Variants in BICC1 observed in about 807,000 individuals in gnomAD.
The protein encoded by BICC1 is BicC family RNA binding protein 1.
A neutral mutation model predicts 111.0 loss-of-function variants in BICC1; 43 were observed. The observed-to-expected ratio is 0.39, with a 90% confidence interval of 0.30 to 0.50. The LOEUF (loss-of-function observed/expected upper bound fraction) is 0.50. Among genes scored for constraint, BICC1 ranks in the 20% least tolerant of loss-of-function variants. The probability of loss-of-function intolerance (pLI) is 0.88; values close to 1 mark genes in which losing one functional copy is unlikely to be tolerated. For missense variants in BICC1, 1,091 were observed against 1,203.2 expected (o/e 0.91, Z 1.38); for synonymous variants, 467 against 434.4 (o/e 1.07, Z -0.93).
intron 3 of BICC1, among the ~76,000 whole-genome samples, chr10:58,783,607 T>TTGTGAAAGG: frequency 6.6e-6 from 1 of 151,114 alleles, no homozygotes. Flanking sequence ...TGGTGGTAAA[T>TTGTGAAAGG]TGTGAAAGGT....
At chr10:58,684,017 TA>T (rs762909906) in intron 2 of BICC1, among the ~76,000 whole-genome samples, 2 of 152,232 alleles carry the variant, frequency 1.3e-5, no homozygotes, top group African/African-American at 2.4e-5. Context: ...GGATTTGTCA[TA>T]AATAGCTTTT....
At position 58,740,830 on chromosome 10, in the gene BICC1, T is replaced by TC. The variant is rs1415484462; in HGVS notation, c.307+38687_307+38688insC. The stretch of plus-strand genomic sequence containing the variant: ...GATGGAGAAAGGGATGGGTGTGGGG[T>TC]GGCTTTGGCCGACCAAAGGCGTGAC... On this transcript the variant is annotated intron_variant, in intron 3 of 20. Coordinates refer to ENST00000373886, the MANE Select transcript of BICC1 (RefSeq NM_001080512.3). Among the ~76,000 whole-genome samples, 15 of 152,060 alleles carry TC rather than the reference T, an allele frequency of 9.9e-5. No homozygotes were observed. The South Asian group carries it at 2.9e-3, about 29-fold the overall frequency.
intron 3 of BICC1, among the ~76,000 whole-genome samples, chr10:58,715,337 G>A (rs1046248215): frequency 4.6e-5 from 7 of 152,122 alleles, no homozygotes; most frequent in South Asian, 2.1e-4. Context: ...CAGCATATGC[G>A]TGTTTTTGGC....
chr10:58,768,508 T>C (rs1351788394), intron 3 of BICC1, among the ~76,000 whole-genome samples: 2 of 152,152 alleles, frequency 1.3e-5, no homozygotes, highest in African/African-American at 4.8e-5. Context: ...CATGAAAATA[T>C]AGTATTTTTA....
At chr10:58,607,558 C>T (rs549522777) in intron 1 of BICC1, among the ~76,000 whole-genome samples, 1 of 151,922 alleles carries the variant, frequency 6.6e-6, no homozygotes, top group South Asian at 2.1e-4. Flanking sequence ...CCCCCTTCGC[C>T]TTCTCCTCCT....
chr10:58,534,692 G>T (rs1842781900), intron 1 of BICC1, among the ~76,000 whole-genome samples: 1 of 151,526 alleles, frequency 6.6e-6, no homozygotes, highest in Non-Finnish European at 1.5e-5. Context: ...ACAGGGTTCT[G>T]TAACACCTCC....
intron 1 of BICC1, among the ~76,000 whole-genome samples, chr10:58,522,459 G>T (rs931924543): frequency 2.0e-5 from 3 of 151,906 alleles, no homozygotes; most frequent in African/African-American, 7.3e-5. Context: ...ATGACTACTG[G>T]GTACATAATG....
At chr10:58,669,382 A>G (rs1241011409) in intron 2 of BICC1, among the ~76,000 whole-genome samples, 1 of 152,130 alleles carries the variant, frequency 6.6e-6, no homozygotes. Flanking sequence ...TATTTGGAGC[A>G]TCTGAATTTG....
Position 58,830,545 on chromosome 10 carries a change from C to T in BICC1, c.*1654C>T, listed in dbSNP as rs1844525418. 6.6e-6 allele frequency: 1 copy of T among 152,132 alleles called. No homozygotes were observed. Among genetic ancestry groups the T allele is most frequent in the Non-Finnish European group, 1.5e-5 (1 of 68,002 alleles). 9.4% of individuals were successfully genotyped at this position (152,132 alleles called of 1,614,324 possible). A position where few individuals can be genotyped will look rare whatever the true frequency, so the allele number is the denominator to read the frequency against. On this transcript the variant is annotated 3_prime_UTR_variant, in exon 21 of 21. Coordinates refer to ENST00000373886, the MANE Select transcript of BICC1 (RefSeq NM_001080512.3). ...AAGAAATACTTGCCTGACACTTTTC[C>T]ATGGCTGAGTCTGACCATTACAGTA...
intron 1 of BICC1, among the ~76,000 whole-genome samples, chr10:58,517,991 T>C (rs1214639436): frequency 5.8e-5 from 2 of 34,358 alleles, no homozygotes; most frequent in Non-Finnish European, 1.1e-4. Flanking sequence ...GCTATCTAAA[T>C]ATTATTATTG....
intron 18 of BICC1, 27 bp from the exon 19 acceptor site, chr10:58,817,535 C>T: frequency 1.9e-6 from 3 of 1,612,694 alleles, no homozygotes; most frequent in Non-Finnish European, 2.5e-6. Context: ...ATTTACACTT[C>T]AAGCCTGTCT....
chr10:58,817,712 A>G lies in BICC1; in HGVS notation c.2684A>G (p.Gln895Arg). 6.2e-7 allele frequency: 1 copy of G among 1,608,414 alleles called. No individual in the cohort carries two copies. Among genetic ancestry groups the G allele is most frequent in the Non-Finnish European group, 8.5e-7 (1 of 1,177,106 alleles). The change falls in exon 19 of 21, where the codon CAG becomes CGG. Residue 895 changes from glutamine (Q) to arginine (R), a missense_variant. Gln to Arg is a conservative substitution (Grantham distance 43). Coordinates refer to ENST00000373886, the MANE Select transcript of BICC1 (RefSeq NM_001080512.3). ...CTGGGCAAATACACAGATGTTTTCC[A>G]GCAACAAGAGGTCAGTCATTATTTA... ...LGLGKYTDVFQQQEIDLQTFL... is the reference protein window; with the variant it reads ...LGLGKYTDVFRQQEIDLQTFL...
intron 2 of BICC1, among the ~76,000 whole-genome samples, chr10:58,674,024 G>A (rs1287467728): frequency 1.3e-5 from 2 of 152,162 alleles, no homozygotes. Context: ...AGGCCATATT[G>A]TGTTTGTCTG....
chr10:58,690,572 A>G (rs909550543), intron 2 of BICC1, among the ~76,000 whole-genome samples: 2 of 152,182 alleles, frequency 1.3e-5, no homozygotes, highest in African/African-American at 4.8e-5. Flanking sequence ...CAATGAATAC[A>G]TACCTCCTTT....
chr10:58,684,178 T>C (rs1022920219), intron 2 of BICC1, among the ~76,000 whole-genome samples: 1 of 152,198 alleles, frequency 6.6e-6, no homozygotes, highest in African/African-American at 2.4e-5. Context: ...GGATTATGTT[T>C]ATTGGTTTGC....
chr10:58,524,910 C>A (rs906785666), intron 1 of BICC1, among the ~76,000 whole-genome samples: 3 of 152,096 alleles, frequency 2.0e-5, no homozygotes, highest in Admixed American at 6.6e-5. Flanking sequence ...AGGATATGAA[C>A]AAACACTTCT....
At chr10:58,704,116 A>G (rs1589041628) in intron 3 of BICC1, among the ~76,000 whole-genome samples, 1 of 152,170 alleles carries the variant, frequency 6.6e-6, no homozygotes, top group Non-Finnish European at 1.5e-5. Flanking sequence ...CATTTTGATT[A>G]TATATTTTGC....
intron 2 of BICC1, among the ~76,000 whole-genome samples, chr10:58,643,092 T>TA (rs1838171264): frequency 6.6e-6 from 1 of 152,238 alleles, no homozygotes; most frequent in Admixed American, 6.5e-5. Flanking sequence ...TCTTGAACAC[T>TA]AATGAATAAA....
At chr10:58,531,977 AG>A (rs1322835580) in intron 1 of BICC1, among the ~76,000 whole-genome samples, 1 of 151,830 alleles carries the variant, frequency 6.6e-6, no homozygotes, top group African/African-American at 2.4e-5. Context: ...ATTTCAGAAG[AG>A]GAATATAGAG....
Sources: gnomAD v4.1 joint callset for allele counts (sites outside exome capture counted in the v4.1 genomes callset) on GRCh38, gnomAD v4.1.1 for gene constraint, MANE v1.5 for transcripts, NCBI Gene and HGNC (gene_info 2026-07-23, HGNC 2026-07-21) for gene names.